The following RHEX variants were observed in gnomAD, a reference collection of about 807,000 sequenced individuals.
RHEX encodes the protein regulator of hemoglobinization and erythroid cell expansion protein.
Under a neutral mutation model 20.1 loss-of-function variants are expected in RHEX, and 18 were observed. That is an observed-to-expected ratio of 0.90 (90% CI 0.62 to 1.33). RHEX has a LOEUF of 1.33. Among genes scored for constraint, RHEX ranks in the 40% most tolerant of loss-of-function variants. RHEX has a pLI of 0.00. For missense variants in RHEX, 192 were observed against 214.3 expected, an observed-to-expected ratio of 0.90 and a Z score of 0.65; for synonymous variants, 87 against 77.1, an observed-to-expected ratio of 1.13 and a Z score of -0.67.
intron 1 of RHEX, among the ~76,000 whole-genome samples, chr1:206,059,875 G>A (rs913803740): frequency 9.2e-5 from 14 of 152,082 alleles, no homozygotes; most frequent in Non-Finnish European, 1.8e-4. Context: ...AGGCTCCCAC[G>A]CCTGCCACCT....
intron 1 of RHEX, among the ~76,000 whole-genome samples, chr1:206,073,019 G>C (rs1218271381): frequency 2.0e-5 from 3 of 151,868 alleles, no homozygotes; most frequent in African/African-American, 7.3e-5. Flanking sequence ...TGTATTTTTG[G>C]TAGAGACAGG....
At chr1:206,058,453 A>G (rs1233977066) in intron 1 of RHEX, among the ~76,000 whole-genome samples, 4 of 144,524 alleles carry the variant, frequency 2.8e-5, no homozygotes, top group African/African-American at 1.2e-4. Flanking sequence ...AGACCCTCTC[A>G]TATTGTTTTA....
intron 1 of RHEX, among the ~76,000 whole-genome samples, chr1:206,068,934 C>T (rs1662479745): frequency 6.6e-6 from 1 of 152,194 alleles, no homozygotes; most frequent in Non-Finnish European, 1.5e-5. Context: ...CCACAGGGGC[C>T]CCCATGACCA....
At chr1:206,095,980 A>G (rs1571873059) in intron 1 of RHEX, among the ~76,000 whole-genome samples, 1 of 152,164 alleles carries the variant, frequency 6.6e-6, no homozygotes, top group South Asian at 2.1e-4. Flanking sequence ...GGCACGTGCC[A>G]GGCACACCTA....
At chr1:206,065,207 T>C (rs1235944377) in intron 1 of RHEX, among the ~76,000 whole-genome samples, 2 of 151,598 alleles carry the variant, frequency 1.3e-5, no homozygotes, top group African/African-American at 4.9e-5. Flanking sequence ...CTGCTGACCT[T>C]CCCTCCACTA....
intron 1 of RHEX, among the ~76,000 whole-genome samples, chr1:206,074,080 TTCTCTC>T (rs1354005485): frequency 6.6e-6 from 1 of 152,160 alleles, no homozygotes; most frequent in African/African-American, 2.4e-5. Flanking sequence ...ACTGGGCACT[TTCTCTC>T]TCATGGGACT....
intron 1 of RHEX, among the ~76,000 whole-genome samples, chr1:206,080,031 C>T (rs140177750): frequency 1.3e-4 from 20 of 152,316 alleles, no homozygotes; most frequent in South Asian, 4.1e-4. Flanking sequence ...GCCTTATAGA[C>T]GTTGTTCAGG....
chr1:206,092,446 C>T (rs566670014), intron 1 of RHEX, among the ~76,000 whole-genome samples: 1 of 152,284 alleles, frequency 6.6e-6, no homozygotes, highest in East Asian at 1.9e-4. Context: ...CAAGCTCATG[C>T]AGAGAATGAG....
At chr1:206,069,778 C>G (rs1294414534) in intron 1 of RHEX, among the ~76,000 whole-genome samples, 1 of 152,118 alleles carries the variant, frequency 6.6e-6, no homozygotes, top group Non-Finnish European at 1.5e-5. Flanking sequence ...CTACCAGATA[C>G]AGCTGCTCTA....
intron 1 of RHEX, among the ~76,000 whole-genome samples, chr1:206,055,774 AC>A (rs1320542015): frequency 1.3e-5 from 2 of 152,286 alleles, no homozygotes; most frequent in Non-Finnish European, 2.9e-5. Context: ...AAAACCTTTT[AC>A]ACTCTATGTG....
chr1:206,069,164 G>A (rs184274440), intron 1 of RHEX, among the ~76,000 whole-genome samples: 298 of 152,342 alleles, frequency 2.0e-3, no homozygotes, highest in African/African-American at 7.0e-3. Context: ...CCATCCCAGT[G>A]AATATTTGCA....
intron 1 of RHEX, among the ~76,000 whole-genome samples, chr1:206,063,424 G>T (rs190132389): frequency 5.9e-4 from 90 of 152,076 alleles, no homozygotes; most frequent in African/African-American, 1.0e-3. Flanking sequence ...TCTTTCCACC[G>T]TCTCCCTCTC....
In RHEX at chr1:206,097,782, G is replaced by A. The variant is rs782223903; in HGVS notation, c.-47G>A. ...CTACTGAGAGACGAGGTGCCAGGGTGGTTCCTGAAAGTGCCTGAGCCCCAA... is the reference window on the plus strand; with the variant it reads ...CTACTGAGAGACGAGGTGCCAGGGTAGTTCCTGAAAGTGCCTGAGCCCCAA... On this transcript the variant is annotated 5_prime_UTR_variant, in exon 2 of 6. Transcript: ENST00000331555. 1 of 1,614,132 alleles carries A rather than the reference G, an allele frequency of 6.2e-7. No individual in the cohort carries two copies. The highest frequency in any genetic ancestry group is 1.7e-5 in the Admixed American group (1 of 60,020).
intron 1 of RHEX, among the ~76,000 whole-genome samples, chr1:206,081,269 A>G (rs538421559): frequency 1.3e-5 from 2 of 152,360 alleles, no homozygotes; most frequent in African/African-American, 4.8e-5. Flanking sequence ...TGTATCGAGT[A>G]CATACTAGGT....
chr1:206,097,350 G>A (rs567148551), intron 1 of RHEX, among the ~76,000 whole-genome samples: 1 of 151,944 alleles, frequency 6.6e-6, no homozygotes, highest in South Asian at 2.1e-4. Flanking sequence ...GGCACTGGAT[G>A]CATGGACGAA....
At chr1:206,097,959 G>A in intron 2 of RHEX, 120 bp downstream of exon 2, 1 of 1,173,608 alleles carries the variant, frequency 8.5e-7, no homozygotes, top group African/African-American at 1.5e-5. Context: ...GAGAGGCAAA[G>A]GGACCTACCC....
rs572181728 is a variant in RHEX at position 206,102,072 on chromosome 1, A to C, written c.*120A>C. On this transcript the variant is annotated 3_prime_UTR_variant, in exon 6 of 6. Coordinates refer to ENST00000331555, the MANE Select transcript of RHEX (RefSeq NM_001007544.4). Reference sequence around the variant, plus strand: ...GCTCACAAGTCTATGGAGACAGGCCAAAAAGAATGTGGAGAAGAAAACTGA... The same window carrying C: ...GCTCACAAGTCTATGGAGACAGGCCCAAAAGAATGTGGAGAAGAAAACTGA... 22 of 807,656 alleles carry C rather than the reference A, an allele frequency of 2.7e-5. No individual in the cohort carries two copies. The East Asian group carries it at 5.5e-4, about 20-fold the overall frequency. The allele number at this position is 807,656 out of a possible 1,614,324, so 50.0% of individuals were successfully genotyped here.
intron 4 of RHEX, 52 bp from the exon 5 acceptor site, chr1:206,101,084 T>C (rs1553288316): frequency 1.4e-6 from 2 of 1,467,308 alleles, no homozygotes; most frequent in South Asian, 2.4e-5. Context: ...CTATCCTCTC[T>C]TAACACCCTC....
chr1:206,065,223 C>A (rs1353583913), intron 1 of RHEX, among the ~76,000 whole-genome samples: 1 of 151,772 alleles, frequency 6.6e-6, no homozygotes, highest in African/African-American at 2.4e-5. Context: ...CACTATTGTC[C>A]TATGACACTG....
Sources: allele counts gnomAD v4.1 joint callset (sites outside exome capture counted in the v4.1 genomes callset), GRCh38; gene constraint gnomAD v4.1.1; transcripts MANE v1.5; gene names NCBI Gene and HGNC (gene_info 2026-07-23, HGNC 2026-07-21).